The following DMD variants were observed in gnomAD, a reference collection of about 807,000 sequenced individuals.
DMD encodes dystrophin, also known as mutant dystrophin.
A neutral mutation model predicts 330.1 loss-of-function variants in DMD; 63 were observed. The observed-to-expected ratio is 0.19, with a 90% CI of 0.16 to 0.24. The LOEUF is 0.24. DMD is among the 10% of genes least tolerant of loss of function. DMD has a pLI of 1.00. For missense variants in DMD, 3,344 were observed against 2,684.1 expected (o/e 1.25, Z -5.43); for synonymous variants, 1,223 against 959.8 (o/e 1.27, Z -5.07).
intron 74 of DMD, among the ~76,000 whole-genome samples, chrX:31,158,324 C>A (rs1357227136): frequency 8.9e-6 from 1 of 111,962 alleles, no homozygotes; most frequent in East Asian, 2.8e-4. Context: ...AAAGATTACG[C>A]TATGTGAAAG....
At chrX:31,591,086 C>A (rs755232229) in intron 55 of DMD, among the ~76,000 whole-genome samples, 1 of 111,479 alleles carries the variant, frequency 9.0e-6, no homozygotes, top group Admixed American at 9.5e-5. Context: ...AAATACTTAA[C>A]GGAAAAAATC....
In DMD at chrX:31,827,767, C is replaced by G. The variant is rs190402455; in HGVS notation, c.7201-7684G>C. ...ACTAAAAATCAACTCCAAAAGGAAC[C>G]CTCAAAACTATACAAACACATGGAA... On this transcript the variant is annotated intron_variant, in intron 49 of 78. Coordinates refer to ENST00000357033, the MANE Select transcript of DMD (RefSeq NM_004006.3). Among the ~76,000 whole-genome samples the G allele has an allele frequency of 5.1e-3, 565 of 111,568 alleles. 2 individuals are homozygous for G. The highest frequency in any genetic ancestry group is 8.3e-3 in the Non-Finnish European group (442 of 53,065).
chrX:32,142,924 A>C (rs936058293), intron 44 of DMD, among the ~76,000 whole-genome samples: 43 of 111,968 alleles, frequency 3.8e-4, no homozygotes, highest in African/African-American at 1.3e-3. Flanking sequence ...CTGATATTTT[A>C]TCTGAATTCC....
intron 44 of DMD, among the ~76,000 whole-genome samples, chrX:32,151,195 T>C (rs1385240141): frequency 8.9e-6 from 1 of 112,044 alleles, no homozygotes; most frequent in Non-Finnish European, 1.9e-5. Context: ...AAACTAAAAA[T>C]AAATTCTTAA....
At chrX:31,645,244 C>T (rs2080014934) in intron 54 of DMD, among the ~76,000 whole-genome samples, 1 of 111,434 alleles carries the variant, frequency 9.0e-6, no homozygotes, top group Admixed American at 9.5e-5. Flanking sequence ...TCCCTGATTA[C>T]TTCGGTGGAT....
intron 49 of DMD, among the ~76,000 whole-genome samples, chrX:31,832,383 G>C (rs1317121034): frequency 9.0e-6 from 1 of 110,821 alleles, no homozygotes; most frequent in East Asian, 2.8e-4. Flanking sequence ...AAACTCATTG[G>C]GAGAAAAAAA....
At chrX:31,963,942 T>C (rs1330298638) in intron 45 of DMD, among the ~76,000 whole-genome samples, 1 of 109,759 alleles carries the variant, frequency 9.1e-6, no homozygotes. Context: ...GATTTATTAA[T>C]TGCGAAGAAA....
chrX:31,145,105 A>C (rs2147906444), intron 76 of DMD, among the ~76,000 whole-genome samples: 1 of 112,197 alleles, frequency 8.9e-6, no homozygotes, highest in South Asian at 3.8e-4. Flanking sequence ...GTAATGTTTC[A>C]AAATTGTCTT....
chrX:31,417,934 C>T (rs2148926153), intron 60 of DMD, among the ~76,000 whole-genome samples: 1 of 108,992 alleles, frequency 9.2e-6, no homozygotes, highest in East Asian at 2.9e-4. Flanking sequence ...GGTGATCCAC[C>T]CACTGTGGCC....
At chrX:32,187,290 C>T (rs777506104) in intron 44 of DMD, among the ~76,000 whole-genome samples, 2 of 110,906 alleles carry the variant, frequency 1.8e-5, no homozygotes, top group South Asian at 7.6e-4. Context: ...TTTATAATTG[C>T]CCAGACCATA....
At chrX:32,490,859 G>A (rs1330515900) in intron 20 of DMD, among the ~76,000 whole-genome samples, 2 of 111,846 alleles carry the variant, frequency 1.8e-5, no homozygotes, top group Non-Finnish European at 3.8e-5. Flanking sequence ...TTTTCCTTAT[G>A]TATCTAGTTA....
intron 55 of DMD, among the ~76,000 whole-genome samples, chrX:31,557,999 A>C (rs1266409141): frequency 1.8e-5 from 2 of 111,754 alleles, no homozygotes; most frequent in Non-Finnish European, 3.8e-5. Flanking sequence ...ATATTGCAGA[A>C]TTGGAATGAG....
intron 17 of DMD, among the ~76,000 whole-genome samples, chrX:32,529,698 G>A (rs1164780561): frequency 9.1e-6 from 1 of 110,445 alleles, no homozygotes; most frequent in Admixed American, 9.6e-5. Flanking sequence ...TTATATTGTG[G>A]CTTTCATATT....
At chrX:32,254,143 G>A (rs11797620) in intron 43 of DMD, among the ~76,000 whole-genome samples, 43,945 of 110,205 alleles carry the variant, frequency 0.4, 7,129 homozygotes, top group African/African-American at 0.61. Context: ...CTGGGTTCCA[G>A]TGATTCTCCT....
chrX:31,861,970 C>T (rs1269277312), intron 48 of DMD, among the ~76,000 whole-genome samples: 1 of 108,753 alleles, frequency 9.2e-6, no homozygotes, highest in Non-Finnish European at 1.9e-5. Flanking sequence ...CACACACACA[C>T]ACACACCTAC....
At chrX:31,676,478 T>C (rs748104255) in intron 53 of DMD, among the ~76,000 whole-genome samples, 2 of 112,456 alleles carry the variant, frequency 1.8e-5, no homozygotes, top group African/African-American at 3.2e-5. Flanking sequence ...CGCAGTATAC[T>C]ATTTCATTGC....
chrX:32,676,323 A>G (rs376569842), intron 9 of DMD, among the ~76,000 whole-genome samples: 2 of 111,228 alleles, frequency 1.8e-5, no homozygotes, highest in South Asian at 3.8e-4. Context: ...CAAAGTTTGC[A>G]GCTGAAACAT....
At chrX:32,955,101 T>A in intron 2 of DMD, among the ~76,000 whole-genome samples, 1 of 112,026 alleles carries the variant, frequency 8.9e-6, no homozygotes, top group Non-Finnish European at 1.9e-5. Flanking sequence ...TCTGTAGGTC[T>A]TTGAGGAATT....
At chrX:32,862,693 A>T (rs1053982264) in intron 2 of DMD, among the ~76,000 whole-genome samples, 1 of 111,681 alleles carries the variant, frequency 9.0e-6, no homozygotes, top group African/African-American at 3.3e-5. Flanking sequence ...GATTATACTA[A>T]TTACACCACC....
Sources: allele counts gnomAD v4.1 joint callset (sites outside exome capture counted in the v4.1 genomes callset), GRCh38; gene constraint gnomAD v4.1.1; transcripts MANE v1.5; gene names NCBI Gene and HGNC (gene_info 2026-07-23, HGNC 2026-07-21).